Variants in PDK4 observed in about 807,000 individuals in gnomAD.
PDK4 encodes pyruvate dehydrogenase kinase, isozyme 4.
In PDK4, 43 loss-of-function variants were observed where a neutral mutation model predicts 51.7. The ratio of observed to expected loss-of-function variants is 0.83; its 90% CI spans 0.65 to 1.07. The LOEUF (loss-of-function observed/expected upper bound fraction) is 1.07. PDK4 is among the 50% of genes least tolerant of loss of function. PDK4 has a pLI of 0.00. For synonymous variants in PDK4, 170 were observed against 176.6 expected, an observed-to-expected ratio of 0.96 and a Z score of 0.30; for missense variants, 498 against 503.5, an observed-to-expected ratio of 0.99 and a Z score of 0.10.
Position 95,593,718 on chromosome 7 carries a change from C to T in PDK4, c.325G>A (p.Asp109Asn), listed in dbSNP as rs779233228. Residue 109 changes from aspartate to asparagine, a missense_variant, in exon 3 of 11, where the codon GAC becomes AAC. Physicochemically the swap from Asp to Asn is conservative, Grantham distance 23. Transcript: ENST00000005178. The stretch of plus-strand genomic sequence containing the variant: ...GCTTACTCTGATAATGCTTTCTGGT[C>T]ATCTGGGCTTTTCTCATGGAATTCC... Reference protein sequence around the residue: ...LVEFHEKSPDDQKALSDFVDT... With the variant: ...LVEFHEKSPDNQKALSDFVDT... The T allele has an allele frequency of 3.4e-5, 53 of 1,546,610 alleles. No individual in the cohort carries two copies. Among genetic ancestry groups the T allele is most frequent in the Non-Finnish European group, 4.4e-5 (49 of 1,118,838 alleles).
At chr7:95,595,364 T>G (rs1293005289) in intron 1 of PDK4, among the ~76,000 whole-genome samples, 200 bp from the exon 2 acceptor site, 1 of 152,202 alleles carries the variant, frequency 6.6e-6, no homozygotes, top group East Asian at 1.9e-4. Flanking sequence ...TCTTTCCTTC[T>G]TTCTTTTAAA....
rs753250526 is a variant in PDK4 at position 95,595,117 on chromosome 7, C to G, written c.178G>C (p.Glu60Gln). 12 of 1,613,100 alleles carry G rather than the reference C, an allele frequency of 7.4e-6. No homozygotes were observed. The South Asian group carries it at 1.2e-4, about 16-fold the overall frequency. ...ERTSFAFLRQ[E>Q]LPVRLANILK... Reference sequence around the variant, plus strand: ...ATGTTGGCGAGTCTCACAGGCAATTCTTGTCGCAAAAATGCAAAAGAAGTT... The same window carrying G: ...ATGTTGGCGAGTCTCACAGGCAATTGTTGTCGCAAAAATGCAAAAGAAGTT... Residue 60 changes from glutamate to glutamine, a missense_variant, in exon 2 of 11, where the codon GAA (glutamate) becomes CAA (glutamine). Glu to Gln is a conservative substitution (Grantham distance 29). Coordinates refer to ENST00000005178, the MANE Select transcript of PDK4 (RefSeq NM_002612.4).
At chr7:95,592,733 T>C in intron 4 of PDK4, 27 bp downstream of exon 4, 2 of 1,574,932 alleles carry the variant, frequency 1.3e-6, no homozygotes, top group African/African-American at 1.3e-5. Flanking sequence ...CATGTCTATA[T>C]ACCATGATCA....
rs1791622448 is a variant in PDK4 at position 95,596,351 on chromosome 7, C to G, written c.-58G>C. 10 of 1,510,934 alleles carry G rather than the reference C, an allele frequency of 6.6e-6. No homozygotes were observed. The highest frequency in any genetic ancestry group is 8.8e-6 in the Non-Finnish European group (10 of 1,133,950). The allele number at this position is 1,510,934 out of a possible 1,614,324, so 93.6% of individuals were successfully genotyped here. On this transcript the variant is annotated 5_prime_UTR_variant, in exon 1 of 11. Transcript: ENST00000005178. Reference sequence around the variant, plus strand: ...GCTGGCTTGAGGGGCGAAGGCTGCTCGGAGCAGAGCCTGGTTCCGAGGGGG... The same window carrying G: ...GCTGGCTTGAGGGGCGAAGGCTGCTGGGAGCAGAGCCTGGTTCCGAGGGGG...
rs1791505767 is a variant in PDK4 at position 95,587,807 on chromosome 7, C to CAA, written c.789_790insTT (p.Val264LeufsTer14). The CAA allele has an allele frequency of 6.2e-6, 10 of 1,612,354 alleles. No homozygotes were observed. The highest frequency in any genetic ancestry group is 4.5e-5 in the East Asian group (2 of 44,838). Reference sequence around the variant, plus strand: ...GAAGGCTGATTTTCCTGGTGTTCAACTGTTGCCCGCATTGCATTCTAAAAC... The same window carrying CAA: ...GAAGGCTGATTTTCCTGGTGTTCAACAATGTTGCCCGCATTGCATTCTAAAAC... On this transcript the variant is annotated frameshift_variant, in exon 8 of 11. Coordinates refer to ENST00000005178, the MANE Select transcript of PDK4 (RefSeq NM_002612.4). LOFTEE classifies it high-confidence loss of function.
rs1791443348 is a variant in PDK4 at position 95,583,722 on chromosome 7, A to C, written c.*1919T>G. ...GCACAGTTGGTGTAATTGAGATACT[A>C]ACATTTCTTTTTTCTAGTGTTTTAG... On this transcript the variant is annotated 3_prime_UTR_variant, in exon 11 of 11. Transcript: ENST00000005178. 1 of 152,620 alleles carries C rather than the reference A, an allele frequency of 6.6e-6. No individual in the cohort carries two copies. 9.5% of individuals were successfully genotyped at this position (152,620 alleles called of 1,614,324 possible). A position where few individuals can be genotyped will look rare whatever the true frequency, so the allele number is the denominator to read the frequency against.
chr7:95,585,842 T>C, intron 10 of PDK4, 61 bp from the exon 11 acceptor site: 2 of 1,419,112 alleles, frequency 1.4e-6, no homozygotes, highest in South Asian at 1.3e-5. Context: ...TAATTTGCAC[T>C]TGAAGTTATT....
chr7:95,593,989 TTAAC>T (rs1791584253), intron 2 of PDK4, among the ~76,000 whole-genome samples: 1 of 152,226 alleles, frequency 6.6e-6, no homozygotes, highest in Non-Finnish European at 1.5e-5. Flanking sequence ...AAATGTTTCT[TTAAC>T]TATTTCAGGT....
chr7:95,591,410 T>C (rs1044117172), intron 6 of PDK4, among the ~76,000 whole-genome samples: 11 of 152,232 alleles, frequency 7.2e-5, no homozygotes, highest in Non-Finnish European at 1.5e-4. Flanking sequence ...AGCAGAACTC[T>C]AGGATTTATT....
At chr7:95,588,971 G>A (rs1017694083) in intron 7 of PDK4, among the ~76,000 whole-genome samples, 2 of 152,198 alleles carry the variant, frequency 1.3e-5, no homozygotes, top group South Asian at 2.1e-4. Flanking sequence ...CCCTGCAGGC[G>A]ATTCTAATGC....
intron 7 of PDK4, 58 bp from the exon 8 acceptor site, chr7:95,587,883 T>G (rs1046115698): frequency 7.3e-6 from 5 of 681,138 alleles, no homozygotes; most frequent in South Asian, 2.0e-5. Context: ...ACAATAAATG[T>G]TTTTTTTTTT....
In PDK4 at chr7:95,592,885, G is replaced by A. The variant is rs1242199733; in HGVS notation, c.404C>T (p.Ala135Val). 6.2e-7 allele frequency: 1 copy of A among 1,611,504 alleles called. No homozygotes were observed. Among genetic ancestry groups the A allele is most frequent in the Admixed American group, 1.7e-5 (1 of 59,998 alleles). The part of the protein sequence containing the change: ...NRHHNVVPTM[A>V]QGIIEYKDAC... ...ATCTTTATACTCTATGATTCCTTGT[G>A]CCATTGTAGGGACTACATTATGGTG... The change falls in exon 4 of 11, where the codon GCA (alanine) becomes GTA (valine). Residue 135 changes from alanine (A) to valine (V), a missense_variant. By Grantham distance (64) the Ala-to-Val change is moderately conservative. Transcript: ENST00000005178.
Position 95,585,548 on chromosome 7 carries a change from T to G in PDK4, c.*93A>C. On this transcript the variant is annotated 3_prime_UTR_variant, in exon 11 of 11. Transcript: ENST00000005178. ...AGGAGTTTTCGTTGCTGTCGTTTGT[T>G]TTGGAGGAAACAAGGGTTCACACAC... The G allele has an allele frequency of 8.8e-7, 1 of 1,133,550 alleles. No individual in the cohort carries two copies. The highest frequency in any genetic ancestry group is 1.2e-6 in the Non-Finnish European group (1 of 806,310). The allele number at this position is 1,133,550 out of a possible 1,614,324, so 70.2% of individuals were successfully genotyped here.
In PDK4 at chr7:95,583,553, T is replaced by C. The variant is rs2116706960; in HGVS notation, c.*2088A>G. Reference sequence around the variant, plus strand: ...AAAAATTATCACATTTCTCTGTACATAGCATAAAGACAAAAACACAATGTA... The same window carrying C: ...AAAAATTATCACATTTCTCTGTACACAGCATAAAGACAAAAACACAATGTA... On this transcript the variant is annotated 3_prime_UTR_variant, in exon 11 of 11. Transcript: ENST00000005178. The C allele has an allele frequency of 6.6e-6, 1 of 152,294 alleles. No homozygotes were observed. Among genetic ancestry groups the C allele is most frequent in the East Asian group, 1.9e-4 (1 of 5,178 alleles). 9.4% of individuals were successfully genotyped at this position (152,294 alleles called of 1,614,324 possible). A position where few individuals can be genotyped will look rare whatever the true frequency, so the allele number is the denominator to read the frequency against.
rs866369332 is a variant in PDK4 at position 95,585,567 on chromosome 7, C to T, written c.*74G>A. On this transcript the variant is annotated 3_prime_UTR_variant, in exon 11 of 11. Transcript: ENST00000005178. ...GTTTGTTTTGGAGGAAACAAGGGTTCACACACAAACATTCAGGAAGCAGCA... is the reference window on the plus strand; with the variant it reads ...GTTTGTTTTGGAGGAAACAAGGGTTTACACACAAACATTCAGGAAGCAGCA... 7.6e-7 allele frequency: 1 copy of T among 1,308,092 alleles called. No individual in the cohort carries two copies. 81.0% of individuals were successfully genotyped at this position (1,308,092 alleles called of 1,614,324 possible). A position where few individuals can be genotyped will look rare whatever the true frequency, so the allele number is the denominator to read the frequency against.
chr7:95,587,145 A>T, intron 9 of PDK4, 22 bp from the exon 10 acceptor site: 1 of 1,374,118 alleles, frequency 7.3e-7, no homozygotes, highest in Non-Finnish European at 1.0e-6. Context: ...AGACGTTATC[A>T]GGTAAAGAAG....
At chr7:95,595,881 AG>A (rs1406137083) in intron 1 of PDK4, among the ~76,000 whole-genome samples, 2 of 152,220 alleles carry the variant, frequency 1.3e-5, no homozygotes, top group African/African-American at 4.8e-5. Flanking sequence ...GAAAGCAAAA[AG>A]TATTTTGACT....
intron 10 of PDK4, among the ~76,000 whole-genome samples, chr7:95,585,983 A>G (rs1791477101): frequency 1.3e-5 from 2 of 148,604 alleles, no homozygotes; most frequent in Non-Finnish European, 3.0e-5. Flanking sequence ...ACTTTTGCTC[A>G]TTTAAGAAGT....
In PDK4 at chr7:95,595,065, G is replaced by A. The variant is rs1237073632; in HGVS notation, c.230C>T (p.Thr77Ile). 2.5e-5 allele frequency: 40 copies of A among 1,611,836 alleles called. No individual in the cohort carries two copies. The highest frequency in any genetic ancestry group is 3.2e-5 in the Non-Finnish European group (38 of 1,178,194). The change falls in exon 2 of 11, where the codon ACC becomes ATC. Residue 77 changes from threonine to isoleucine, a missense_variant. Coordinates refer to ENST00000005178, the MANE Select transcript of PDK4 (RefSeq NM_002612.4). The part of the protein sequence containing the change: ...NILKEIDILP[T>I]QLVNTSSVQL... Reference sequence around the variant, plus strand: ...CACTGAAGAGGTATTTACTAATTGGGTCGGGAGGATATCAATTTCCTTCAG... The same window carrying A: ...CACTGAAGAGGTATTTACTAATTGGATCGGGAGGATATCAATTTCCTTCAG...
Sources: gnomAD v4.1 joint callset for allele counts (sites outside exome capture counted in the v4.1 genomes callset) on GRCh38, gnomAD v4.1.1 for gene constraint, MANE v1.5 for transcripts, NCBI Gene and HGNC (gene_info 2026-07-23, HGNC 2026-07-21) for gene names.